The following FHIP1A variants were observed in gnomAD, a reference collection of about 807,000 sequenced individuals.
The protein encoded by FHIP1A is FHF complex subunit HOOK-interacting protein 1A.
In FHIP1A, 61 loss-of-function variants were observed where a neutral mutation model predicts 88.6. The ratio of observed to expected loss-of-function variants is 0.69; its 90% CI spans 0.56 to 0.85. The LOEUF is 0.85. Among genes scored for constraint, FHIP1A ranks in the 40% least tolerant of loss-of-function variants. The pLI is 0.00. For synonymous variants in FHIP1A, 478 were observed against 496.0 expected (o/e 0.96, Z 0.48); for missense variants, 1,154 against 1,273.5 (o/e 0.91, Z 1.43).
intron 1 of FHIP1A, among the ~76,000 whole-genome samples, chr4:151,437,381 G>A (rs947438872): frequency 1.3e-5 from 2 of 152,034 alleles, no homozygotes; most frequent in African/African-American, 4.8e-5. Flanking sequence ...AGCCAACATA[G>A]GCTATTTTCC....
chr4:151,441,461 G>A (rs1209932615), intron 1 of FHIP1A, among the ~76,000 whole-genome samples: 1 of 151,972 alleles, frequency 6.6e-6, no homozygotes, highest in Non-Finnish European at 1.5e-5. Context: ...TTGTGTGTGT[G>A]TATACATATG....
chr4:151,563,752 A>C (rs1383472150), intron 3 of FHIP1A, among the ~76,000 whole-genome samples: 1 of 152,056 alleles, frequency 6.6e-6, no homozygotes, highest in Non-Finnish European at 1.5e-5. Flanking sequence ...CCCTTTAGGA[A>C]GCCAAAACGG....
intron 3 of FHIP1A, among the ~76,000 whole-genome samples, chr4:151,540,949 G>C (rs1732260991): frequency 6.6e-6 from 1 of 152,112 alleles, no homozygotes; most frequent in Non-Finnish European, 1.5e-5. Context: ...CTTGACTTTG[G>C]CTCCAGTCCA....
chr4:151,614,468 C>CAAA (rs1170058431), intron 7 of FHIP1A, among the ~76,000 whole-genome samples: 1 of 61,226 alleles, frequency 1.6e-5, no homozygotes. Flanking sequence ...GACTCTGTCT[C>CAAA]AAAAAAAAAA....
At chr4:151,581,944 G>C (rs995519189) in intron 5 of FHIP1A, among the ~76,000 whole-genome samples, 1 of 152,178 alleles carries the variant, frequency 6.6e-6, no homozygotes, top group Non-Finnish European at 1.5e-5. Flanking sequence ...GGAAAAGAAG[G>C]AGATTGAAGA....
intron 2 of FHIP1A, 143 bp from the exon 3 acceptor site, chr4:151,482,380 AT>A (rs1208976806): frequency 1.3e-5 from 2 of 151,964 alleles, no homozygotes; most frequent in Non-Finnish European, 1.5e-5. Context: ...TTATTTATTT[AT>A]TTTTTTATGG....
chr4:151,656,694 T>TA lies in FHIP1A; in HGVS notation c.2731-65dup, dbSNP rs1289876479. ...CATAATGAGGGTGCTACCTGCAAGA[T>TA]ATATTGATAACTGGGAGTGGAATTT... is the stretch of plus-strand genomic sequence containing the variant. On this transcript the variant is annotated intron_variant, in intron 12 of 13. Transcript: ENST00000435205. This position sits in a 1 kb window ranked among gnomAD's most constrained non-coding sequence, Gnocchi z 4.2. The TA allele has an allele frequency of 1.2e-5, 18 of 1,487,116 alleles. No individual in the cohort carries two copies. The African/African-American group carries it at 1.4e-4, about 12-fold the overall frequency. The allele number at this position is 1,487,116 out of a possible 1,614,324, so 92.1% of individuals were successfully genotyped here.
In FHIP1A at chr4:151,662,755, C is replaced by CTT. The variant is rs11378262; in HGVS notation, c.*16_*17dup. On this transcript the variant is annotated 3_prime_UTR_variant, in exon 14 of 14. Coordinates refer to ENST00000435205, the MANE Select transcript of FHIP1A (RefSeq NM_001109977.3). ...TGACTTTGAGGACTCCTGCTGTTAG[C>CTT]TTTTTTTTTTTTTTTTAATAGAGGT... 0.021 allele frequency: 27,154 copies of CTT among 1,295,480 alleles called. 22 individuals carry two copies. The highest frequency in any genetic ancestry group is 0.033 in the African/African-American group (2,059 of 62,098). 80.2% of individuals were successfully genotyped at this position (1,295,480 alleles called of 1,614,324 possible). A position where few individuals can be genotyped will look rare whatever the true frequency, so the allele number is the denominator to read the frequency against.
intron 3 of FHIP1A, among the ~76,000 whole-genome samples, chr4:151,554,440 C>T (rs1185861904): frequency 6.6e-6 from 1 of 152,150 alleles, no homozygotes; most frequent in Admixed American, 6.6e-5. Flanking sequence ...AGACCAGACT[C>T]TGGTTCTGAA....
chr4:151,491,593 A>T (rs1730284647), intron 3 of FHIP1A, among the ~76,000 whole-genome samples: 2 of 152,090 alleles, frequency 1.3e-5, no homozygotes, highest in African/African-American at 2.4e-5. Context: ...AAAAAAACAC[A>T]AGGTATTGAG....
In FHIP1A at chr4:151,592,140, CT is replaced by C. The variant is rs879889175; in HGVS notation, c.978+3226del. ...CTCTCCAGCATCTGTTGTTTCCAGA[CT>C]TTTTTTTTTTTGAGACGGAGTCTCA... On this transcript the variant is annotated intron_variant, in intron 7 of 13. Transcript: ENST00000435205. Among the ~76,000 whole-genome samples the C allele has an allele frequency of 2.8e-3, 411 of 146,602 alleles. 2 individuals carry two copies. Among genetic ancestry groups the C allele is most frequent in the African/African-American group, 5.8e-3 (234 of 40,324 alleles).
chr4:151,528,913 C>T (rs1242234644), intron 3 of FHIP1A, among the ~76,000 whole-genome samples: 1 of 152,094 alleles, frequency 6.6e-6, no homozygotes, highest in Non-Finnish European at 1.5e-5. Flanking sequence ...CTTCATGGAA[C>T]TTCTTAAAGT....
Position 151,632,634 on chromosome 4 carries a change from AT to A in FHIP1A, c.1146+2772del, listed in dbSNP as rs374439553. ...TACAAAAATTGAAAGCACACAAATA[AT>A]TTTTTTCTAACTGCAATGGAATGAA... On this transcript the variant is annotated intron_variant, in intron 8 of 13. Coordinates refer to ENST00000435205, the MANE Select transcript of FHIP1A (RefSeq NM_001109977.3). Among the ~76,000 whole-genome samples the A allele has an allele frequency of 6.3e-4, 96 of 152,168 alleles. No homozygotes were observed. In the East Asian group the frequency reaches 0.013, roughly 20 times the overall value.
chr4:151,575,246 G>A (rs781169372), intron 4 of FHIP1A, among the ~76,000 whole-genome samples: 1 of 152,182 alleles, frequency 6.6e-6, no homozygotes, highest in Non-Finnish European at 1.5e-5. Context: ...AACTGATAAG[G>A]CATGAATTTT....
chr4:151,569,907 A>T (rs1733533427), intron 4 of FHIP1A, among the ~76,000 whole-genome samples: 1 of 152,190 alleles, frequency 6.6e-6, no homozygotes, highest in Admixed American at 6.5e-5. Context: ...GCATCCCCAG[A>T]ATCATTCTAG....
At position 151,557,732 on chromosome 4, in the gene FHIP1A, A is replaced by G. The variant is rs139815360; in HGVS notation, c.-122-8406A>G. 3.6e-3 allele frequency among the ~76,000 whole-genome samples: 545 copies of G among 152,312 alleles called. 6 individuals carry two copies. The highest frequency in any genetic ancestry group is 0.012 in the African/African-American group (517 of 41,570). On this transcript the variant is annotated intron_variant, in intron 3 of 13. Coordinates refer to ENST00000435205, the MANE Select transcript of FHIP1A (RefSeq NM_001109977.3). ...GAAGTTGCTCAGTATAAGTTGTTTC[A>G]GCTTTTACTTTTATTTCTTGGAAGT...
At chr4:151,616,788 C>T (rs546234170) in intron 7 of FHIP1A, among the ~76,000 whole-genome samples, 9 of 151,852 alleles carry the variant, frequency 5.9e-5, no homozygotes, top group Non-Finnish European at 1.3e-4. Context: ...CACTCTGTTG[C>T]CCAGGCTGGA....
At chr4:151,513,955 A>G (rs1401355899) in intron 3 of FHIP1A, among the ~76,000 whole-genome samples, 2 of 150,568 alleles carry the variant, frequency 1.3e-5, no homozygotes, top group African/African-American at 2.5e-5. Context: ...AAGCGGACCT[A>G]ATAGACATCT....
At chr4:151,534,591 C>G (rs1731998370) in intron 3 of FHIP1A, 1 of 152,160 alleles carries the variant, frequency 6.6e-6, no homozygotes, top group African/African-American at 2.4e-5. Context: ...TGTCAAAATT[C>G]TGCAATTAAA....
Sources: allele counts gnomAD v4.1 joint callset (sites outside exome capture counted in the v4.1 genomes callset), GRCh38; gene constraint gnomAD v4.1.1; non-coding constraint Gnocchi (gnomAD v3.1); transcripts MANE v1.5; gene names NCBI Gene and HGNC (gene_info 2026-07-23, HGNC 2026-07-21).